Variants in PAXIP1 observed in about 807,000 individuals in gnomAD.
The protein encoded by PAXIP1 is PAX-interacting protein 1.
PAXIP1 carries 19 observed loss-of-function variants against 140.6 expected under a neutral mutation model. The ratio of observed to expected loss-of-function variants is 0.14; its 90% confidence interval spans 0.09 to 0.20. The LOEUF is 0.20. PAXIP1 is among the 10% of genes least tolerant of loss of function. PAXIP1 has a pLI of 1.00. For synonymous variants in PAXIP1, 442 were observed against 444.6 expected (o/e 0.99, Z 0.07); for missense variants, 920 against 1,208.6 (o/e 0.76, Z 3.54).
In PAXIP1 at chr7:155,002,983, G is replaced by T. The variant is rs1000183092; in HGVS notation, c.-54C>A. On this transcript the variant is annotated 5_prime_UTR_variant, in exon 1 of 21. Transcript: ENST00000404141. ...CGGCGCCCGGCCCCGCCCACCCCCC[G>T]CCCCCGGCCCCCGCGGCGCCCGGCG... The T allele has an allele frequency of 1.6e-6, 1 of 626,218 alleles. No homozygotes were observed. The highest frequency in any genetic ancestry group is 1.8e-6 in the Non-Finnish European group (1 of 564,704). 38.8% of individuals were successfully genotyped at this position (626,218 alleles called of 1,614,324 possible). A position where few individuals can be genotyped will look rare whatever the true frequency, so the allele number is the denominator to read the frequency against.
chr7:154,965,596 CG>C (rs1808974392), intron 8 of PAXIP1: 1 of 152,190 alleles, frequency 6.6e-6, no homozygotes, highest in East Asian at 1.9e-4. Context: ...ATCGTGAAAA[CG>C]ACGAGGATGA....
chr7:155,001,021 G>C (rs1358198167), intron 1 of PAXIP1: 3 of 152,242 alleles, frequency 2.0e-5, no homozygotes, highest in African/African-American at 7.2e-5. Context: ...CAGGTACCAT[G>C]TCCTCTTCAC....
At chr7:154,958,243 G>C (rs1336659455) in intron 13 of PAXIP1, among the ~76,000 whole-genome samples, 1 of 152,260 alleles carries the variant, frequency 6.6e-6, no homozygotes, top group African/African-American at 2.4e-5. Flanking sequence ...AAGGAGATGG[G>C]ATTCCCTTGT....
chr7:154,971,074 A>T (rs1809292635), intron 6 of PAXIP1, among the ~76,000 whole-genome samples: 1 of 152,210 alleles, frequency 6.6e-6, no homozygotes, highest in South Asian at 2.1e-4. Context: ...AGACATCAGG[A>T]CAGCACAGAG....
chr7:154,945,607 C>T, intron 20 of PAXIP1: 1 of 964,588 alleles, frequency 1.0e-6, no homozygotes, highest in African/African-American at 1.9e-5. Context: ...GAGGCTCCCA[C>T]CCTCACAGAG....
At chr7:154,961,947 A>C (rs955571524) in intron 10 of PAXIP1, among the ~76,000 whole-genome samples, 26 of 152,348 alleles carry the variant, frequency 1.7e-4, no homozygotes, top group African/African-American at 6.3e-4. Context: ...CGTAACCACG[A>C]GCCAGCTCCT....
At chr7:154,983,446 C>G in intron 4 of PAXIP1, 114 bp from the exon 5 acceptor site, 2 of 618,416 alleles carry the variant, frequency 3.2e-6, no homozygotes, top group South Asian at 2.1e-5. Context: ...TAAAATTAAC[C>G]TAAGAATATT....
At chr7:154,994,287 C>T (rs1422946703) in intron 2 of PAXIP1, among the ~76,000 whole-genome samples, 1 of 152,140 alleles carries the variant, frequency 6.6e-6, no homozygotes, top group Non-Finnish European at 1.5e-5. Context: ...TACTACCTTT[C>T]TGGGTAATTT....
intron 17 of PAXIP1, 151 bp downstream of exon 17, chr7:154,947,752 T>C (rs1309233563): frequency 3.1e-6 from 2 of 654,194 alleles, no homozygotes; most frequent in African/African-American, 3.6e-5. Flanking sequence ...CCAGTGGCAA[T>C]GTCCAAGAAG....
At chr7:154,967,648 A>G (rs1290065897) in intron 8 of PAXIP1, 168 bp downstream of exon 8, 2 of 565,916 alleles carry the variant, frequency 3.5e-6, no homozygotes, top group East Asian at 5.8e-5. Context: ...TGATGCCCAG[A>G]AAAGTGCTGT....
intron 1 of PAXIP1, chr7:155,001,813 T>A (rs1398209149): frequency 6.6e-6 from 1 of 152,190 alleles, no homozygotes; most frequent in African/African-American, 2.4e-5. Flanking sequence ...ACCCTAAAGT[T>A]ACAGGGCAAA....
intron 4 of PAXIP1, among the ~76,000 whole-genome samples, chr7:154,984,556 T>A (rs186642700): frequency 3.3e-5 from 5 of 152,356 alleles, no homozygotes; most frequent in African/African-American, 1.2e-4. Flanking sequence ...TACACACTAT[T>A]CTATGAATAT....
chr7:154,977,694 G>A (rs1192809171), intron 5 of PAXIP1, among the ~76,000 whole-genome samples: 1 of 152,034 alleles, frequency 6.6e-6, no homozygotes, highest in African/African-American at 2.4e-5. Context: ...TGACTAGAAA[G>A]GACCACGATT....
At chr7:154,992,698 C>A (rs546989428) in intron 3 of PAXIP1, among the ~76,000 whole-genome samples, 1 of 152,148 alleles carries the variant, frequency 6.6e-6, no homozygotes, top group South Asian at 2.1e-4. Flanking sequence ...GTCTTTTTGA[C>A]TTCTTATAAA....
In PAXIP1 at chr7:154,977,632, A is replaced by G. The variant is rs115985862; in HGVS notation, c.439-1301T>C. ...TAAGAAAAACCTAGTCATGGGAGACACCCATGAATAAGAAGCTAAGCAAAG... is the reference window on the plus strand; with the variant it reads ...TAAGAAAAACCTAGTCATGGGAGACGCCCATGAATAAGAAGCTAAGCAAAG... On this transcript the variant is annotated intron_variant, in intron 5 of 20. Coordinates refer to ENST00000404141, the MANE Select transcript of PAXIP1 (RefSeq NM_007349.4). 9.7e-3 allele frequency among the ~76,000 whole-genome samples: 1,473 copies of G among 152,336 alleles called. 25 individuals are homozygous for G. The highest frequency in any genetic ancestry group is 0.032 in the African/African-American group (1,324 of 41,580).
At chr7:154,971,092 GCTC>G (rs1809294520) in intron 6 of PAXIP1, among the ~76,000 whole-genome samples, 1 of 152,188 alleles carries the variant, frequency 6.6e-6, no homozygotes, top group Non-Finnish European at 1.5e-5. Flanking sequence ...GAGGCCAGAG[GCTC>G]CTATTTTTCA....
chr7:154,976,318 C>T lies in PAXIP1; in HGVS notation c.452G>A (p.Cys151Tyr), dbSNP rs1267877450. 3.8e-6 allele frequency: 6 copies of T among 1,582,598 alleles called. No homozygotes were observed. Among genetic ancestry groups the T allele is most frequent in the Non-Finnish European group, 5.2e-6 (6 of 1,164,628 alleles). Residue 151 changes from cysteine (C) to tyrosine (Y), a missense_variant, in exon 6 of 21, where the codon TGT (cysteine) becomes TAT (tyrosine). Cys to Tyr is a radical substitution (Grantham distance 194, BLOSUM62 -2). This residue lies in a region of PAXIP1 where 419 missense variants were observed against 514.7 expected (regional missense o/e 0.81). Coordinates refer to ENST00000404141, the MANE Select transcript of PAXIP1 (RefSeq NM_007349.4). ...TTTAATACTTGCTCGCTTTAAAGCA[C>T]ATTCGTATTTCTCCTACGAGGAAAG... is the stretch of plus-strand genomic sequence containing the variant. ...VPEPKGEKYE[C>Y]ALKRASIKIV...
intron 16 of PAXIP1, chr7:154,950,884 A>G (rs890145554): frequency 2.6e-5 from 4 of 152,254 alleles, no homozygotes; most frequent in African/African-American, 9.6e-5. Flanking sequence ...AAAATCCTAT[A>G]TACTGTATGA....
At chr7:155,002,319 C>A (rs1382741931) in intron 1 of PAXIP1, among the ~76,000 whole-genome samples, 2 of 152,202 alleles carry the variant, frequency 1.3e-5, no homozygotes, top group Admixed American at 1.3e-4. Flanking sequence ...GCTCCTCAGC[C>A]CCGCACAGGA....
Sources: allele counts gnomAD v4.1 joint callset (sites outside exome capture counted in the v4.1 genomes callset), GRCh38; gene constraint gnomAD v4.1.1; regional missense constraint gnomAD v4.1.1; transcripts MANE v1.5; gene names NCBI Gene and HGNC (gene_info 2026-07-23, HGNC 2026-07-21).